Variants in GTF2IRD1 observed in about 807,000 individuals in gnomAD.
GTF2IRD1 encodes the protein general transcription factor II-I repeat domain-containing protein 1.
Under a neutral mutation model 113.2 loss-of-function variants are expected in GTF2IRD1, and 26 were observed. The ratio of observed to expected loss-of-function variants is 0.23; its 90% CI spans 0.17 to 0.32. The LOEUF is 0.32. GTF2IRD1 is among the 10% of genes least tolerant of loss of function. The pLI is 1.00. For synonymous variants in GTF2IRD1, 484 were observed against 529.1 expected, an observed-to-expected ratio of 0.91 and a Z score of 1.17; for missense variants, 864 against 1,280.8, an observed-to-expected ratio of 0.67 and a Z score of 4.97.
intron 22 of GTF2IRD1, among the ~76,000 whole-genome samples, chr7:74,569,508 G>A (rs181015664): frequency 6.6e-6 from 1 of 152,304 alleles, no homozygotes; most frequent in Non-Finnish European, 1.5e-5. Context: ...AAATGCTGCC[G>A]GAATGGTAAA....
intron 11 of GTF2IRD1, among the ~76,000 whole-genome samples, chr7:74,537,895 G>C (rs1554350590): frequency 6.6e-6 from 1 of 152,256 alleles, no homozygotes; most frequent in Non-Finnish European, 1.5e-5. Flanking sequence ...CACCCCAGGA[G>C]AGTGAGCAGG....
chr7:74,559,779 CTTTCT>C, intron 22 of GTF2IRD1, 124 bp downstream of exon 22: 1 of 735,856 alleles, frequency 1.4e-6, no homozygotes, highest in East Asian at 3.4e-5. Flanking sequence ...AGGCCCCTGC[CTTTCT>C]TTTTTTTTTT....
chr7:74,536,827 C>T (rs1432717568), intron 11 of GTF2IRD1, among the ~76,000 whole-genome samples: 3 of 151,002 alleles, frequency 2.0e-5, no homozygotes, highest in Admixed American at 2.0e-4. Flanking sequence ...ATGCCCACAC[C>T]AGGCCGGACT....
At chr7:74,474,268 T>A (rs1490884192) in intron 1 of GTF2IRD1, among the ~76,000 whole-genome samples, 2 of 152,146 alleles carry the variant, frequency 1.3e-5, no homozygotes, top group African/African-American at 4.8e-5. Flanking sequence ...TTTTCTTACC[T>A]ATGGGGTCCC....
At chr7:74,525,043 A>C (rs1220868874) in intron 8 of GTF2IRD1, among the ~76,000 whole-genome samples, 1 of 152,058 alleles carries the variant, frequency 6.6e-6, no homozygotes, top group Non-Finnish European at 1.5e-5. Flanking sequence ...TCTCTACAAA[A>C]AAACAAACAA....
chr7:74,515,349 C>T (rs199667798), intron 3 of GTF2IRD1, 92 bp from the exon 4 acceptor site: 31 of 1,536,788 alleles, frequency 2.0e-5, no homozygotes, highest in African/African-American at 4.1e-5. Flanking sequence ...TGCCAGTCTC[C>T]GCAGCTCAGC....
At chr7:74,470,740 C>T (rs535008361) in intron 1 of GTF2IRD1, among the ~76,000 whole-genome samples, 277 of 152,144 alleles carry the variant, frequency 1.8e-3, no homozygotes, top group African/African-American at 5.9e-3. Context: ...GGAAACCTCA[C>T]GAGCATTGTG....
chr7:74,601,089 A>G lies in GTF2IRD1; in HGVS notation c.2675A>G (p.Glu892Gly). ...AAGCGCAAGAGAAAGCGGGTCTCGG[A>G]AGGAAATTCCGTCTCCTCTTCCTCC... ...IPKRKRKRVS[E>G]GNSVSSSSSS... The change falls in exon 26 of 27, where the codon GAA (glutamate) becomes GGA (glycine). Residue 892 changes from glutamate to glycine, a missense_variant. Transcript: ENST00000424337. 1 of 1,614,124 alleles carries G rather than the reference A, an allele frequency of 6.2e-7. No homozygotes were observed.
At chr7:74,517,252 G>C (rs917377913) in intron 4 of GTF2IRD1, among the ~76,000 whole-genome samples, 1 of 151,360 alleles carries the variant, frequency 6.6e-6, no homozygotes, top group Non-Finnish European at 1.5e-5. Context: ...TCAAACTCCT[G>C]ACCTCAAGTG....
At chr7:74,544,984 G>A (rs1249547252) in intron 15 of GTF2IRD1, among the ~76,000 whole-genome samples, 182 bp downstream of exon 15, 4 of 152,160 alleles carry the variant, frequency 2.6e-5, no homozygotes, top group African/African-American at 9.7e-5. Context: ...TTAAGGATTT[G>A]TCTTCTAGAA....
At chr7:74,470,865 G>A (rs1483791426) in intron 1 of GTF2IRD1, among the ~76,000 whole-genome samples, 5 of 152,078 alleles carry the variant, frequency 3.3e-5, no homozygotes, top group Non-Finnish European at 7.4e-5. Flanking sequence ...GTGCAATGGC[G>A]TGATCTCGGC....
chr7:74,553,436 C>A (rs188074114), intron 17 of GTF2IRD1, among the ~76,000 whole-genome samples: 1 of 151,982 alleles, frequency 6.6e-6, no homozygotes, highest in Admixed American at 6.6e-5. Flanking sequence ...TGCAGGGGCA[C>A]GCCACCACAC....
At chr7:74,538,050 G>A in intron 11 of GTF2IRD1, 86 bp from the exon 12 acceptor site, 1 of 1,356,918 alleles carries the variant, frequency 7.4e-7, no homozygotes, top group East Asian at 2.3e-5. Context: ...CGCCCGCGGT[G>A]GGCCCTGACT....
chr7:74,587,391 C>T (rs1554368133), intron 22 of GTF2IRD1, among the ~76,000 whole-genome samples: 1 of 152,054 alleles, frequency 6.6e-6, no homozygotes. Flanking sequence ...TTGCAGCGAA[C>T]CGAGACCGTG....
intron 11 of GTF2IRD1, among the ~76,000 whole-genome samples, chr7:74,536,737 G>A (rs1266749543): frequency 6.6e-6 from 1 of 151,682 alleles, no homozygotes; most frequent in African/African-American, 2.4e-5. Flanking sequence ...ACCTGGGAGG[G>A]AGAGGTTGCA....
intron 1 of GTF2IRD1, among the ~76,000 whole-genome samples, chr7:74,476,603 A>G (rs1794427463): frequency 6.6e-6 from 1 of 151,728 alleles, no homozygotes; most frequent in African/African-American, 2.4e-5. Context: ...ACCTTAAGTG[A>G]TCCGCCTGCC....
chr7:74,458,748 G>A (rs1270131771), intron 1 of GTF2IRD1, among the ~76,000 whole-genome samples: 3 of 151,290 alleles, frequency 2.0e-5, no homozygotes, highest in South Asian at 2.1e-4. Flanking sequence ...TCCACCTCCC[G>A]GGTTCAAGTG....
Position 74,551,350 on chromosome 7 carries a change from A to G in GTF2IRD1, c.1917-3824A>G, listed in dbSNP as rs190828473. On this transcript the variant is annotated intron_variant, in intron 17 of 26. Transcript: ENST00000424337. Reference sequence around the variant, plus strand: ...AGAGCGAGACTCCTTCTCAAAATAAATAAATATAGGGTTTATAAATAAATA... The same window carrying G: ...AGAGCGAGACTCCTTCTCAAAATAAGTAAATATAGGGTTTATAAATAAATA... 9.4e-3 allele frequency among the ~76,000 whole-genome samples: 1,437 copies of G among 152,282 alleles called. 17 individuals carry two copies. The highest frequency in any genetic ancestry group is 0.033 in the African/African-American group (1,366 of 41,552).
At chr7:74,505,246 A>G (rs1554340700) in intron 1 of GTF2IRD1, among the ~76,000 whole-genome samples, 1 of 152,174 alleles carries the variant, frequency 6.6e-6, no homozygotes, top group South Asian at 2.1e-4. Context: ...TCGGGCTTTC[A>G]GGACTCACCC....
Sources: allele counts gnomAD v4.1 joint callset (sites outside exome capture counted in the v4.1 genomes callset), GRCh38; gene constraint gnomAD v4.1.1; transcripts MANE v1.5; gene names NCBI Gene and HGNC (gene_info 2026-07-23, HGNC 2026-07-21).